Variants in THSD7B observed in about 807,000 individuals in gnomAD.
The protein encoded by THSD7B is thrombospondin type-1 domain-containing protein 7B.
A neutral mutation model predicts 213.6 loss-of-function variants in THSD7B; 138 were observed. That is an observed-to-expected ratio of 0.65 (90% CI 0.56 to 0.74). The LOEUF is 0.74. THSD7B is among the 30% of genes least tolerant of loss of function. The pLI is 0.00. For synonymous variants in THSD7B, 742 were observed against 687.0 expected (o/e 1.08, Z -1.25); for missense variants, 1,931 against 1,991.5 (o/e 0.97, Z 0.58).
intron 15 of THSD7B, among the ~76,000 whole-genome samples, chr2:137,535,005 C>T (rs916191225): frequency 4.6e-5 from 6 of 130,318 alleles, no homozygotes; most frequent in Non-Finnish European, 1.0e-4. Flanking sequence ...TATTTTTCTC[C>T]ATTTTTCTCT....
intron 12 of THSD7B, among the ~76,000 whole-genome samples, chr2:137,290,885 T>C (rs6730418): frequency 0.46 from 69,469 of 151,940 alleles, 15,989 homozygotes; most frequent in South Asian, 0.57. Context: ...AGACCACTGT[T>C]GATATCCACC....
At chr2:136,846,470 A>G (rs973349204) in intron 1 of THSD7B, among the ~76,000 whole-genome samples, 3 of 152,186 alleles carry the variant, frequency 2.0e-5, no homozygotes, top group African/African-American at 2.4e-5. Context: ...TATTATGAGA[A>G]GCAGGAGCAA....
chr2:137,240,586 C>G (rs1558970162), intron 9 of THSD7B, among the ~76,000 whole-genome samples: 1 of 152,038 alleles, frequency 6.6e-6, no homozygotes, highest in Non-Finnish European at 1.5e-5. Flanking sequence ...TCATAGCTTA[C>G]TGCAGCCTTG....
chr2:136,969,662 C>T (rs1685374148), intron 2 of THSD7B, among the ~76,000 whole-genome samples: 2 of 152,066 alleles, frequency 1.3e-5, no homozygotes, highest in African/African-American at 2.4e-5. Flanking sequence ...ACTCTAAGCC[C>T]TTGTTTGTTG....
intron 2 of THSD7B, among the ~76,000 whole-genome samples, chr2:137,023,408 G>A (rs774629568): frequency 1.3e-5 from 2 of 152,116 alleles, no homozygotes; most frequent in Non-Finnish European, 2.9e-5. Flanking sequence ...GTGCCCTGTA[G>A]CGGATAACCT....
At chr2:137,602,294 G>A (rs1286879455) in intron 17 of THSD7B, among the ~76,000 whole-genome samples, 1 of 151,434 alleles carries the variant, frequency 6.6e-6, no homozygotes, top group African/African-American at 2.4e-5. Flanking sequence ...TTTTTAAGAT[G>A]GAGTCTTGCT....
At chr2:137,597,745 C>T (rs913686603) in intron 17 of THSD7B, among the ~76,000 whole-genome samples, 2 of 152,108 alleles carry the variant, frequency 1.3e-5, no homozygotes, top group Non-Finnish European at 2.9e-5. Flanking sequence ...AAGGGCAATG[C>T]CCTGTGCACT....
At chr2:137,560,795 C>A (rs185836825) in intron 15 of THSD7B, among the ~76,000 whole-genome samples, 1 of 152,142 alleles carries the variant, frequency 6.6e-6, no homozygotes, top group East Asian at 1.9e-4. Flanking sequence ...GCTCCCCTAG[C>A]AGCCCACCAT....
At chr2:136,796,980 T>A (rs1227796086) in intron 1 of THSD7B, among the ~76,000 whole-genome samples, 1 of 146,842 alleles carries the variant, frequency 6.8e-6, no homozygotes, top group Non-Finnish European at 1.5e-5. Flanking sequence ...TCATATTTGA[T>A]CACACACACA....
intron 13 of THSD7B, among the ~76,000 whole-genome samples, chr2:137,406,678 T>A (rs1426263796): frequency 1.3e-5 from 2 of 152,234 alleles, no homozygotes; most frequent in African/African-American, 4.8e-5. Context: ...TGAATTTAAA[T>A]CACCATTATG....
chr2:136,964,116 C>A (rs1469815668), intron 2 of THSD7B, among the ~76,000 whole-genome samples: 1 of 152,216 alleles, frequency 6.6e-6, no homozygotes, highest in Non-Finnish European at 1.5e-5. Context: ...CCCACAGGAA[C>A]AAGATTTTAC....
At chr2:137,408,910 G>A (rs1686588416) in intron 13 of THSD7B, among the ~76,000 whole-genome samples, 1 of 152,158 alleles carries the variant, frequency 6.6e-6, no homozygotes. Flanking sequence ...TAAGGAAGGT[G>A]GGTAGAAATT....
chr2:137,150,705 G>T (rs559441739), intron 5 of THSD7B, among the ~76,000 whole-genome samples: 1 of 152,154 alleles, frequency 6.6e-6, no homozygotes, highest in African/African-American at 2.4e-5. Flanking sequence ...TTAATGAGGG[G>T]GTTCCTTCTA....
chr2:136,831,148 G>A (rs376973437), intron 1 of THSD7B, among the ~76,000 whole-genome samples: 3 of 19,392 alleles, frequency 1.5e-4, no homozygotes, highest in South Asian at 2.5e-3. Context: ...TTTTTTTTTA[G>A]CCATATTCAA....
At chr2:137,362,091 A>T (rs1050560918) in intron 12 of THSD7B, among the ~76,000 whole-genome samples, 1 of 152,210 alleles carries the variant, frequency 6.6e-6, no homozygotes, top group Admixed American at 6.5e-5. Flanking sequence ...ACATTCTTAA[A>T]GAAAAGAATT....
In THSD7B at chr2:137,170,762, A is replaced by G. The variant is rs550190978; in HGVS notation, c.1547A>G (p.His516Arg). 4.8e-5 allele frequency: 78 copies of G among 1,613,378 alleles called. 1 individual carries two copies. The South Asian group carries it at 8.5e-4, about 17-fold the overall frequency. Reference sequence around the variant, plus strand: ...TTAGGATTTAGAACGAGGCAGCGCCATGTCCTCATGGAATCTACAGGGCCT... The same window carrying G: ...TTAGGATTTAGAACGAGGCAGCGCCGTGTCCTCATGGAATCTACAGGGCCT... ...GKKGFRTRQRHVLMESTGPAG... is the reference protein window; with the variant it reads ...GKKGFRTRQRRVLMESTGPAG... Residue 516 changes from histidine to arginine, a missense_variant, in exon 7 of 28, where the codon CAT becomes CGT. Coordinates refer to ENST00000409968, the MANE Select transcript of THSD7B (RefSeq NM_001316349.2).
At chr2:136,799,660 T>G (rs138452451) in intron 1 of THSD7B, among the ~76,000 whole-genome samples, 1 of 151,666 alleles carries the variant, frequency 6.6e-6, no homozygotes, top group African/African-American at 2.4e-5. Flanking sequence ...AACATAGTTA[T>G]GTATATTTTA....
intron 2 of THSD7B, among the ~76,000 whole-genome samples, chr2:136,995,389 A>G (rs1486699891): frequency 6.6e-6 from 1 of 152,178 alleles, no homozygotes; most frequent in Non-Finnish European, 1.5e-5. Flanking sequence ...AGAGGCAGCA[A>G]CAACATTCCT....
chr2:137,669,043 A>G (rs1225802814), intron 27 of THSD7B, among the ~76,000 whole-genome samples: 1 of 152,168 alleles, frequency 6.6e-6, no homozygotes, highest in Non-Finnish European at 1.5e-5. Context: ...TGCTAAGAAT[A>G]TTATATCAGC....
Sources: gnomAD v4.1 joint callset for allele counts (sites outside exome capture counted in the v4.1 genomes callset) on GRCh38, gnomAD v4.1.1 for gene constraint, MANE v1.5 for transcripts, NCBI Gene and HGNC (gene_info 2026-07-23, HGNC 2026-07-21) for gene names.